C4orf51: variants seen among roughly 807,000 people sequenced by gnomAD.
The protein encoded by C4orf51 is uncharacterized protein C4orf51.
A neutral mutation model predicts 25.2 loss-of-function variants in C4orf51; 25 were observed. The ratio of observed to expected loss-of-function variants is 0.99; its 90% CI spans 0.72 to 1.39. C4orf51 has a LOEUF of 1.39. C4orf51 is among the 40% of genes most tolerant of loss of function. C4orf51 has a pLI of 0.00. For missense variants in C4orf51, 252 were observed against 239.6 expected, an observed-to-expected ratio of 1.05 and a Z score of -0.34; for synonymous variants, 100 against 84.5, an observed-to-expected ratio of 1.18 and a Z score of -1.01.
At chr4:145,731,083 G>C (rs1208334245) in intron 5 of C4orf51, among the ~76,000 whole-genome samples, 1 of 152,156 alleles carries the variant, frequency 6.6e-6, no homozygotes, top group Non-Finnish European at 1.5e-5. Flanking sequence ...GGTCAACCAG[G>C]GACATCCCTT....
At chr4:145,690,505 A>AAATAAT (rs751273348) in intron 1 of C4orf51, among the ~76,000 whole-genome samples, 8 of 151,664 alleles carry the variant, frequency 5.3e-5, no homozygotes, top group Non-Finnish European at 7.4e-5. Flanking sequence ...CTCCATCTCA[A>AAATAAT]AATAATAATA....
At chr4:145,753,849 C>T (rs1330807375) in intron 1 of C4orf51, among the ~76,000 whole-genome samples, 1 of 152,182 alleles carries the variant, frequency 6.6e-6, no homozygotes, top group African/African-American at 2.4e-5. Flanking sequence ...CTAAAAAGTC[C>T]TAGAAGAGCT....
intron 1 of C4orf51, among the ~76,000 whole-genome samples, chr4:145,692,401 AG>A (rs1729644873): frequency 6.6e-6 from 1 of 152,210 alleles, no homozygotes; most frequent in Non-Finnish European, 1.5e-5. Context: ...TATTAAGAGA[AG>A]CAAAGTAGTG....
chr4:145,790,286 G>A, the C4orf51 span, among the ~76,000 whole-genome samples: 1 of 152,072 alleles, frequency 6.6e-6, no homozygotes, highest in Non-Finnish European at 1.5e-5. Flanking sequence ...GTTTGTCATT[G>A]AACTAGGTTT....
At chr4:145,697,915 T>C (rs1730176551) in intron 2 of C4orf51, among the ~76,000 whole-genome samples, 2 of 152,224 alleles carry the variant, frequency 1.3e-5, no homozygotes, top group African/African-American at 4.8e-5. Context: ...TTTTAATTTT[T>C]TTCAGGAACC....
At chr4:145,743,993 T>C (rs1346115641) in intron 1 of C4orf51, among the ~76,000 whole-genome samples, 2 of 152,268 alleles carry the variant, frequency 1.3e-5, no homozygotes, top group South Asian at 2.1e-4. Context: ...AATTTATGTG[T>C]ATTTTTCCTT....
At chr4:145,706,842 C>T (rs1307489306) in intron 2 of C4orf51, among the ~76,000 whole-genome samples, 1 of 147,974 alleles carries the variant, frequency 6.8e-6, no homozygotes, top group African/African-American at 2.5e-5. Context: ...ACAGAGTTTC[C>T]CTCTTGTCGC....
At chr4:145,700,638 A>C (rs1168822285) in intron 2 of C4orf51, among the ~76,000 whole-genome samples, 1 of 152,044 alleles carries the variant, frequency 6.6e-6, no homozygotes, top group Non-Finnish European at 1.5e-5. Context: ...TCCAGGCATT[A>C]TTTTACACAT....
chr4:145,775,222 C>A (rs1736876759), downstream of C4orf51, among the ~76,000 whole-genome samples: 1 of 152,194 alleles, frequency 6.6e-6, no homozygotes. Flanking sequence ...AAGCAAGTTT[C>A]CACCAATCAG....
At chr4:145,774,567 G>A (rs556012181), downstream of C4orf51, 6 of 1,613,192 alleles carry the variant, frequency 3.7e-6, no homozygotes, top group East Asian at 1.3e-4. Context: ...CGAAGTCGCA[G>A]GCAGTGCAGC....
At chr4:145,768,916 T>TATATATATATATATATAAAA (rs34051922) in intron 1 of C4orf51, among the ~76,000 whole-genome samples, 1,244 of 34,218 alleles carry the variant, frequency 0.036, 220 homozygotes, top group Middle Eastern at 0.11. Flanking sequence ...TATATATATA[T>TATATATATATATATATAAAA]TAGGTATACA....
At chr4:145,694,188 T>A (rs1729863838) in intron 1 of C4orf51, among the ~76,000 whole-genome samples, 2 of 146,562 alleles carry the variant, frequency 1.4e-5, no homozygotes, top group South Asian at 2.2e-4. Context: ...GCAGAGACGC[T>A]CCTCACTTCC....
downstream of C4orf51, chr4:145,759,176 T>C (rs950880742): frequency 2.0e-5 from 3 of 152,220 alleles, no homozygotes; most frequent in Non-Finnish European, 2.9e-5. Context: ...AAACTTCCCA[T>C]TATTATACAA....
At chr4:145,717,254 A>G (rs974520850) in intron 2 of C4orf51, among the ~76,000 whole-genome samples, 1 of 152,220 alleles carries the variant, frequency 6.6e-6, no homozygotes, top group Admixed American at 6.5e-5. Context: ...ATTACTTTGC[A>G]TTCCTATCTC....
chr4:145,784,853 CT>C, the C4orf51 span, among the ~76,000 whole-genome samples: 6 of 152,052 alleles, frequency 3.9e-5, no homozygotes, highest in Non-Finnish European at 8.8e-5. Flanking sequence ...ATGGTAACCT[CT>C]TTTTTTGTAC....
At chr4:145,744,230 G>T (rs1733243705) in intron 1 of C4orf51, among the ~76,000 whole-genome samples, 1 of 152,112 alleles carries the variant, frequency 6.6e-6, no homozygotes, top group Non-Finnish European at 1.5e-5. Context: ...AGGTAGGCTG[G>T]GACTTGCTTT....
In C4orf51 at chr4:145,765,001, T is replaced by A; in HGVS notation, n.167-5987T>A. Reference sequence around the variant, plus strand: ...TGCTTTCCTTACTTGAGCCCACCGGTGGGGACAGTGTGGCATTTCTTATGC... The same window carrying A: ...TGCTTTCCTTACTTGAGCCCACCGGAGGGGACAGTGTGGCATTTCTTATGC... On this transcript the variant is annotated intron_variant and non_coding_transcript_variant, in intron 1 of 1. Coordinates refer to the C4orf51 transcript ENST00000510096. This position sits in a 1 kb window ranked among gnomAD's most constrained non-coding sequence, Gnocchi z 4.7. 1 of 1,613,466 alleles carries A rather than the reference T, an allele frequency of 6.2e-7. No homozygotes were observed. The highest frequency in any genetic ancestry group is 1.3e-5 in the African/African-American group (1 of 75,042).
At chr4:145,724,585 G>A (rs368641925) in intron 2 of C4orf51, among the ~76,000 whole-genome samples, 244 of 152,054 alleles carry the variant, frequency 1.6e-3, no homozygotes, top group Middle Eastern at 0.014. Context: ...AGTATAATTC[G>A]TCATTAAAAA....
In C4orf51 at chr4:145,691,044, T is replaced by C. The variant is rs146893774; in HGVS notation, c.234-5515T>C. Among the ~76,000 whole-genome samples the C allele has an allele frequency of 5.0e-3, 764 of 151,954 alleles. 3 individuals are homozygous for C. The highest frequency in any genetic ancestry group is 0.017 in the African/African-American group (715 of 41,456). ...GGGAGTATTGGTTGAGCCTGGTAGG[T>C]CGAGGCTATAGTGAGCTATGATCAT... is the stretch of plus-strand genomic sequence containing the variant. On this transcript the variant is annotated intron_variant, in intron 1 of 5. Transcript: ENST00000438731.
Sources: gnomAD v4.1 joint callset for allele counts (sites outside exome capture counted in the v4.1 genomes callset) on GRCh38, gnomAD v4.1.1 for gene constraint, Gnocchi (gnomAD v3.1) non-coding constraint, MANE v1.5 for transcripts, NCBI Gene and HGNC (gene_info 2026-07-23, HGNC 2026-07-21) for gene names.